The following STX1A variants were observed in gnomAD, a reference collection of about 807,000 sequenced individuals.
STX1A encodes syntaxin 1A, also known as syntaxin-1A.
STX1A carries 4 observed loss-of-function variants against 37.8 expected under a neutral mutation model. The observed-to-expected ratio is 0.11, with a 90% confidence interval of 0.05 to 0.24. The LOEUF (loss-of-function observed/expected upper bound fraction) is 0.24. Among genes scored for constraint, STX1A ranks in the 10% least tolerant of loss-of-function variants. The pLI, the probability that STX1A is intolerant of heterozygous loss-of-function variation, is 1.00. For synonymous variants in STX1A, 135 were observed against 147.4 expected (o/e 0.92, Z 0.61); for missense variants, 251 against 399.9 (o/e 0.63, Z 3.18).
At chr7:73,703,589 A>T in intron 7 of STX1A, 166 bp downstream of exon 7, 1 of 850,720 alleles carries the variant, frequency 1.2e-6, no homozygotes, top group Non-Finnish European at 2.0e-6. Flanking sequence ...GCTGACATTT[A>T]TGTGACCTCA....
intron 1 of STX1A, among the ~76,000 whole-genome samples, chr7:73,712,954 C>T (rs1012755918): frequency 6.6e-6 from 1 of 152,142 alleles, no homozygotes; most frequent in African/African-American, 2.4e-5. Flanking sequence ...CTGGCCCATC[C>T]CCTCCCTCTT....
chr7:73,708,756 G>A, intron 2 of STX1A, 68 bp from the exon 3 acceptor site: 1 of 1,520,958 alleles, frequency 6.6e-7, no homozygotes, highest in African/African-American at 1.4e-5. Flanking sequence ...CCCAGAGATG[G>A]CCCAGAGTAG....
chr7:73,705,259 A>T lies in STX1A; in HGVS notation c.209-35T>A. On this transcript the variant is annotated intron_variant, in intron 3 of 9. Coordinates refer to ENST00000222812, the MANE Select transcript of STX1A (RefSeq NM_004603.4). The surrounding 1 kb of genome is among the most constrained non-coding windows in gnomAD (Gnocchi z 5.2). ...TAGAAAGGGTGGGGGTAGGCCTCCT[A>T]GGCTCCGCGGGGACTGATGTGCAGG... The T allele has an allele frequency of 6.3e-7, 1 of 1,579,178 alleles. No homozygotes were observed. Among genetic ancestry groups the T allele is most frequent in the Non-Finnish European group, 8.7e-7 (1 of 1,148,810 alleles).
intron 7 of STX1A, 56 bp from the exon 8 acceptor site, chr7:73,703,038 G>C: frequency 2.1e-6 from 3 of 1,419,518 alleles, no homozygotes; most frequent in Non-Finnish European, 2.8e-6. Context: ...GCAGGGCAGA[G>C]GGCCGAGGGG....
At chr7:73,714,296 C>T (rs933953928) in intron 1 of STX1A, among the ~76,000 whole-genome samples, 9 of 151,836 alleles carry the variant, frequency 5.9e-5, no homozygotes, top group East Asian at 1.9e-4. Context: ...TTAGTAGAGA[C>T]GGGGTTTCAC....
At position 73,702,568 on chromosome 7, in the gene STX1A, C is replaced by T; in HGVS notation, c.678+277G>A. ...GGGAAATGCGTGGCCCACAGTGGCC[C>T]CATGAGGAAACAGTAGTAGGGGAAT... On this transcript the variant is annotated intron_variant, in intron 8 of 9. Transcript: ENST00000222812. This position sits in a 1 kb window ranked among gnomAD's most constrained non-coding sequence, Gnocchi z 4.7. 1 of 941,822 alleles carries T rather than the reference C, an allele frequency of 1.1e-6. No homozygotes were observed. The highest frequency in any genetic ancestry group is 1.5e-6 in the Non-Finnish European group (1 of 661,366). The allele number at this position is 941,822 out of a possible 1,614,324, so 58.3% of individuals were successfully genotyped here.
chr7:73,718,256 C>T (rs1199516063), intron 1 of STX1A, among the ~76,000 whole-genome samples: 1 of 152,108 alleles, frequency 6.6e-6, no homozygotes, highest in Non-Finnish European at 1.5e-5. Flanking sequence ...GCTGGGCGCT[C>T]GGCCAGGAAT....
intron 1 of STX1A, among the ~76,000 whole-genome samples, chr7:73,710,587 A>C (rs1350858739): frequency 6.6e-6 from 1 of 152,030 alleles, no homozygotes; most frequent in Non-Finnish European, 1.5e-5. Context: ...CACCATGCCC[A>C]GCTAATTTTT....
In STX1A at chr7:73,702,614, G is replaced by A. The variant is rs1276746591; in HGVS notation, c.678+231C>T. On this transcript the variant is annotated intron_variant, in intron 8 of 9. Transcript: ENST00000222812. This position sits in a 1 kb window ranked among gnomAD's most constrained non-coding sequence, Gnocchi z 4.7. ...GGAATGAGAGACGGCGGGGTATAGA[G>A]GGTGGGGCCATGCAGGGCCTGGGGT... 1 of 1,325,530 alleles carries A rather than the reference G, an allele frequency of 7.5e-7. No individual in the cohort carries two copies. 82.1% of individuals were successfully genotyped at this position (1,325,530 alleles called of 1,614,324 possible).
At chr7:73,703,071 G>C in intron 7 of STX1A, 89 bp from the exon 8 acceptor site, 1 of 998,374 alleles carries the variant, frequency 1.0e-6, no homozygotes, top group Non-Finnish European at 1.4e-6. Flanking sequence ...GGTGGGCAGA[G>C]CTGCTCCGGA....
intron 7 of STX1A, 73 bp from the exon 8 acceptor site, chr7:73,703,055 G>A (rs1341320723): frequency 3.2e-5 from 15 of 470,134 alleles, no homozygotes; most frequent in Admixed American, 1.3e-4. Context: ...GGGGGAGGGC[G>A]TTTGGGGTGG....
rs539204669 is a variant in STX1A at position 73,718,041 on chromosome 7, C to T, written c.30+1561G>A. Among the ~76,000 whole-genome samples, 3 of 152,300 alleles carry T rather than the reference C, an allele frequency of 2.0e-5. No homozygotes were observed. In the South Asian group the frequency reaches 6.2e-4, roughly 32 times the overall value. ...CCCCTGACCACTTGGTTCCCACACACACCCTCAGGTAACCTACCAGGCGCC... is the reference window on the plus strand; with the variant it reads ...CCCCTGACCACTTGGTTCCCACACATACCCTCAGGTAACCTACCAGGCGCC... On this transcript the variant is annotated intron_variant, in intron 1 of 9. Transcript: ENST00000222812.
In STX1A at chr7:73,709,799, T is replaced by A. The variant is rs1301599292; in HGVS notation, c.31-677A>T. ...TATAAGGGGAGACCTGCCTACTGTG[T>A]CCCAGCCCTGGGCACCACTAAACCC... is the stretch of plus-strand genomic sequence containing the variant. On this transcript the variant is annotated intron_variant, in intron 1 of 9. Coordinates refer to ENST00000222812, the MANE Select transcript of STX1A (RefSeq NM_004603.4). This position sits in a 1 kb window ranked among gnomAD's most constrained non-coding sequence, Gnocchi z 4.2. Among the ~76,000 whole-genome samples the A allele has an allele frequency of 1.3e-5, 2 of 152,064 alleles. No individual in the cohort carries two copies. Among genetic ancestry groups the A allele is most frequent in the East Asian group, 3.8e-4 (2 of 5,202 alleles).
chr7:73,704,808 G>A, intron 4 of STX1A: 1 of 510,674 alleles, frequency 2.0e-6, no homozygotes, highest in South Asian at 2.2e-5. Flanking sequence ...GGCACTCATG[G>A]GGTGCACGTG....
At position 73,702,552 on chromosome 7, in the gene STX1A, G is replaced by A. The variant is rs777094165; in HGVS notation, c.678+293C>T. The A allele has an allele frequency of 6.3e-5, 49 of 773,014 alleles. No homozygotes were observed. In the Middle Eastern group the frequency reaches 1.2e-3, roughly 18 times the overall value. 47.9% of individuals were successfully genotyped at this position (773,014 alleles called of 1,614,324 possible). A position where few individuals can be genotyped will look rare whatever the true frequency, so the allele number is the denominator to read the frequency against. ...ATGCCTTCAGTCTCTGGGGAAATGC[G>A]TGGCCCACAGTGGCCCCATGAGGAA... is the stretch of plus-strand genomic sequence containing the variant. On this transcript the variant is annotated intron_variant, in intron 8 of 9. Transcript: ENST00000222812. This position sits in a 1 kb window ranked among gnomAD's most constrained non-coding sequence, Gnocchi z 4.7.
chr7:73,707,073 A>G (rs1319219030), intron 3 of STX1A, among the ~76,000 whole-genome samples: 3 of 152,170 alleles, frequency 2.0e-5, no homozygotes, highest in African/African-American at 7.2e-5. Flanking sequence ...GAGGGGTCAT[A>G]GACCAGGAGG....
intron 7 of STX1A, 120 bp from the exon 8 acceptor site, chr7:73,703,102 C>G (rs1563568871): frequency 2.3e-6 from 2 of 855,806 alleles, no homozygotes; most frequent in Non-Finnish European, 3.6e-6. Context: ...AGGCTTCCTC[C>G]CAAGCCGCAG....
At chr7:73,701,109 A>G (rs782497731) in intron 8 of STX1A, 6 of 625,702 alleles carry the variant, frequency 9.6e-6, no homozygotes, top group Non-Finnish European at 1.4e-5. Flanking sequence ...GTTGGGGACC[A>G]TGCAGAGAAC....
In STX1A at chr7:73,702,432, C is replaced by T; in HGVS notation, c.678+413G>A. ...CAGGTGACTCATTCAAGTTTGAGCC[C>T]CACTGGAGAACCTTCGATTTGTTCT... is the stretch of plus-strand genomic sequence containing the variant. On this transcript the variant is annotated intron_variant, in intron 8 of 9. Transcript: ENST00000222812. The surrounding 1 kb of genome is among the most constrained non-coding windows in gnomAD (Gnocchi z 4.7). The T allele has an allele frequency of 2.9e-6, 1 of 341,932 alleles. No individual in the cohort carries two copies. Among genetic ancestry groups the T allele is most frequent in the Non-Finnish European group, 5.3e-6 (1 of 190,138 alleles). The allele number at this position is 341,932 out of a possible 1,614,324, so 21.2% of individuals were successfully genotyped here.
Sources: gnomAD v4.1 joint callset for allele counts (sites outside exome capture counted in the v4.1 genomes callset) on GRCh38, gnomAD v4.1.1 for gene constraint, Gnocchi (gnomAD v3.1) non-coding constraint, MANE v1.5 for transcripts, NCBI Gene and HGNC (gene_info 2026-07-23, HGNC 2026-07-21) for gene names.